Variants in MFAP4 observed in about 807,000 individuals in gnomAD.
The protein encoded by MFAP4 is microfibril-associated glycoprotein 4.
Under a neutral mutation model 32.4 loss-of-function variants are expected in MFAP4, and 20 were observed. The observed-to-expected ratio is 0.62, with a 90% confidence interval of 0.43 to 0.90. The LOEUF is 0.90. MFAP4 is among the 40% of genes least tolerant of loss of function. The pLI, the probability that MFAP4 is intolerant of heterozygous loss-of-function variation, is 0.00. For synonymous variants in MFAP4, 146 were observed against 137.4 expected, an observed-to-expected ratio of 1.06 and a Z score of -0.44; for missense variants, 267 against 329.5, an observed-to-expected ratio of 0.81 and a Z score of 1.47.
intron 3 of MFAP4, 21 bp downstream of exon 3, chr17:19,386,289 C>T (rs940056538): frequency 1.9e-6 from 3 of 1,564,698 alleles, no homozygotes; most frequent in African/African-American, 2.7e-5. Flanking sequence ...GCTCTGGCCT[C>T]TGTTCCCTCC....
chr17:19,383,473 A>ATG lies in MFAP4; in HGVS notation c.*987_*988dup. ...TCAGTATTATATTTTTATTATTATT[A>ATG]TGTTATTATTACACTGTCTTTTTGC... is the stretch of plus-strand genomic sequence containing the variant. On this transcript the variant is annotated 3_prime_UTR_variant, in exon 6 of 6. Coordinates refer to ENST00000299610, the MANE Select transcript of MFAP4 (RefSeq NM_002404.3). 2.8e-6 allele frequency: 1 copy of ATG among 351,980 alleles called. No individual in the cohort carries two copies. The allele number at this position is 351,980 out of a possible 1,614,324, so 21.8% of individuals were successfully genotyped here. A position where few individuals can be genotyped will look rare whatever the true frequency, so the allele number is the denominator to read the frequency against.
In MFAP4 at chr17:19,384,705, G is replaced by A. The variant is rs1487251653; in HGVS notation, c.525C>T (p.Asp175=). ...TCTGGCCACTGTGGTAGGACAGGGAGTCACCTGGCAGAGGAGAGAAGGGTT... is the reference window on the plus strand; with the variant it reads ...TCTGGCCACTGTGGTAGGACAGGGAATCACCTGGCAGAGGAGAGAAGGGTT... The part of the protein sequence containing the change: ...VAGFEDGGAG[D]SLSYHSGQKF... The change falls in exon 6 of 6, where the codon GAC becomes GAT. Residue 175 remains aspartate, a synonymous_variant. Coordinates refer to ENST00000299610, the MANE Select transcript of MFAP4 (RefSeq NM_002404.3). The A allele has an allele frequency of 1.9e-6, 3 of 1,614,108 alleles. No individual in the cohort carries two copies. The South Asian group carries it at 3.3e-5, about 18-fold the overall frequency.
chr17:19,384,467 C>T lies in MFAP4; in HGVS notation c.763G>A (p.Ala255Thr). The change falls in exon 6 of 6, where the codon GCC (alanine) becomes ACC (threonine). Residue 255 changes from alanine to threonine, a missense_variant. By Grantham distance (58) the Ala-to-Thr change is moderately conservative. Around this residue, in one of 3 missense-constraint regions of MFAP4, gnomAD observed 19 missense variants for 18.7 expected, o/e 1.02. Transcript: ENST00000299610. ...LKRTEMKIRR[A>T] is the part of the protein sequence containing the mutation. ...TGCCTGAGGGGGCCAGCCCTTCAGG[C>T]CCGGCGGATTTTCATCTCAGTGCGT... 1 of 1,570,688 alleles carries T rather than the reference C, an allele frequency of 6.4e-7. No homozygotes were observed.
Position 19,384,123 on chromosome 17 carries a change from G to A in MFAP4, c.*339C>T. On this transcript the variant is annotated 3_prime_UTR_variant, in exon 6 of 6. Coordinates refer to ENST00000299610, the MANE Select transcript of MFAP4 (RefSeq NM_002404.3). ...ACAAGATGGACCACAAAGGCCTGCAGCTGGGAGAGTGGCTCCTGGCTGTCA... is the reference window on the plus strand; with the variant it reads ...ACAAGATGGACCACAAAGGCCTGCAACTGGGAGAGTGGCTCCTGGCTGTCA... 1 of 351,680 alleles carries A rather than the reference G, an allele frequency of 2.8e-6. No homozygotes were observed. The highest frequency in any genetic ancestry group is 2.5e-5 in the South Asian group (1 of 39,432). The allele number at this position is 351,680 out of a possible 1,614,324, so 21.8% of individuals were successfully genotyped here.
Position 19,385,134 on chromosome 17 carries a change from G to T in MFAP4, c.485C>A (p.Thr162Asn), listed in dbSNP as rs756249125. The T allele has an allele frequency of 1.2e-6, 2 of 1,614,260 alleles. No individual in the cohort carries two copies. The highest frequency in any genetic ancestry group is 8.5e-7 in the Non-Finnish European group (1 of 1,180,034). The change falls in exon 5 of 6, where the codon ACC (threonine) becomes AAC (asparagine). Residue 162 changes from threonine (T) to asparagine (N), a missense_variant. Thr to Asn is a moderately conservative substitution (Grantham distance 65, BLOSUM62 0). This residue lies in a region of MFAP4 where 223 missense variants were observed against 253.3 expected (regional missense o/e 0.88). Transcript: ENST00000299610. ...ATCCTCAAAGCCTGCCACAAAGAGGGTGTAGCCATCCTCCTCTGCGCTGAC... is the reference window on the plus strand; with the variant it reads ...ATCCTCAAAGCCTGCCACAAAGAGGTTGTAGCCATCCTCCTCTGCGCTGAC... ...NAVSAEEDGY[T>N]LFVAGFEDGG...
chr17:19,385,089 C>G lies in MFAP4; in HGVS notation c.520+10G>C. The G allele has an allele frequency of 6.2e-7, 1 of 1,609,312 alleles. No individual in the cohort carries two copies. Among genetic ancestry groups the G allele is most frequent in the Non-Finnish European group, 8.5e-7 (1 of 1,176,432 alleles). On this transcript the variant is annotated intron_variant, in intron 5 of 5. Coordinates refer to ENST00000299610, the MANE Select transcript of MFAP4 (RefSeq NM_002404.3). ...TCACAGCCCCTCCCAAAGCTAACAG[C>G]GGGTTATACCTGCCCCGCCATCCTC... is the stretch of plus-strand genomic sequence containing the variant.
In MFAP4 at chr17:19,386,996, C is replaced by T. The variant is rs578143853; in HGVS notation, c.6+154G>A. The T allele has an allele frequency of 7.6e-6, 9 of 1,187,616 alleles. No individual in the cohort carries two copies. The South Asian group carries it at 1.2e-4, about 16-fold the overall frequency. 73.6% of individuals were successfully genotyped at this position (1,187,616 alleles called of 1,614,324 possible). On this transcript the variant is annotated intron_variant, in intron 1 of 5. Transcript: ENST00000299610. ...TTCCCTGCCCCCCCACCCCGCCCGC[C>T]AAGTAACCCCACTCTCTGGGACGCT... is the stretch of plus-strand genomic sequence containing the variant.
In MFAP4 at chr17:19,386,892, C is replaced by A. The variant is rs1309374702; in HGVS notation, c.7-54G>T. On this transcript the variant is annotated intron_variant, in intron 1 of 5. Coordinates refer to ENST00000299610, the MANE Select transcript of MFAP4 (RefSeq NM_002404.3). ...GCCCCTTCCCAGCTCCAGAGATCCC[C>A]TGTTCTCTTTGCATTTGCCCCCACC... 2.0e-6 allele frequency: 3 copies of A among 1,518,884 alleles called. No homozygotes were observed. In the Admixed American group the frequency reaches 5.9e-5, roughly 30 times the overall value. The allele number at this position is 1,518,884 out of a possible 1,614,324, so 94.1% of individuals were successfully genotyped here. A position where few individuals can be genotyped will look rare whatever the true frequency, so the allele number is the denominator to read the frequency against.
In MFAP4 at chr17:19,386,635, T is replaced by C. The variant is rs190920198; in HGVS notation, c.85+125A>G. ...TGCTTATGTCATCCATCTGCCCCATTTTGTAAAGGAGGAACCTGAGTCCTG... is the reference window on the plus strand; with the variant it reads ...TGCTTATGTCATCCATCTGCCCCATCTTGTAAAGGAGGAACCTGAGTCCTG... On this transcript the variant is annotated intron_variant, in intron 2 of 5. Coordinates refer to ENST00000299610, the MANE Select transcript of MFAP4 (RefSeq NM_002404.3). 3.2e-5 allele frequency: 41 copies of C among 1,281,738 alleles called. No homozygotes were observed. The East Asian group carries it at 9.6e-4, about 30-fold the overall frequency. The allele number at this position is 1,281,738 out of a possible 1,614,324, so 79.4% of individuals were successfully genotyped here.
chr17:19,385,525 C>T (rs1380922031), intron 3 of MFAP4, 71 bp from the exon 4 acceptor site: 43 of 1,398,884 alleles, frequency 3.1e-5, no homozygotes, highest in Non-Finnish European at 4.2e-5. Context: ...CCCTGCCCAC[C>T]TCAAGCATGG....
chr17:19,386,972 T>TGCCGGGGCCCCCCCCCCCCC, intron 1 of MFAP4, 134 bp from the exon 2 acceptor site: 22 of 936,990 alleles, frequency 2.3e-5, no homozygotes, highest in Non-Finnish European at 3.2e-5. Flanking sequence ...TGGCCCCTCT[T>TGCCGGGGCCCCCCCCCCCCC]CCCTGCCCCC....
chr17:19,386,567 G>A (rs1913044199), intron 2 of MFAP4, 103 bp from the exon 3 acceptor site: 2 of 1,358,186 alleles, frequency 1.5e-6, no homozygotes, highest in East Asian at 2.4e-5. Flanking sequence ...GGGGGACTTT[G>A]ACACAAGGAG....
At chr17:19,385,780 T>G (rs976397424) in intron 3 of MFAP4, among the ~76,000 whole-genome samples, 1 of 152,202 alleles carries the variant, frequency 6.6e-6, no homozygotes, top group African/African-American at 2.4e-5. Flanking sequence ...TCTCTGGGCT[T>G]TAGTTCCTCA....
rs1309629643 is a variant in MFAP4 at position 19,386,299 on chromosome 17, C to T, written c.240+11G>A. On this transcript the variant is annotated intron_variant, in intron 3 of 5. Transcript: ENST00000299610. ...AACCAGCTCTGGCCTCTGTTCCCTC[C>T]TCCCACTCACCGTCCACTTCCCGCC... 4.4e-6 allele frequency: 7 copies of T among 1,583,880 alleles called. No individual in the cohort carries two copies. Among genetic ancestry groups the T allele is most frequent in the African/African-American group, 1.4e-5 (1 of 73,994 alleles).
chr17:19,386,719 C>T (rs1057267699), intron 2 of MFAP4, 41 bp downstream of exon 2: 4 of 1,548,004 alleles, frequency 2.6e-6, no homozygotes, highest in Non-Finnish European at 3.5e-6. Context: ...TCTTGCACAA[C>T]CTGTGGGCCA....
rs763919937 is a variant in MFAP4 at position 19,387,181 on chromosome 17, G to C, written c.-26C>G. 1 of 1,531,406 alleles carries C rather than the reference G, an allele frequency of 6.5e-7. No individual in the cohort carries two copies. The highest frequency in any genetic ancestry group is 1.1e-5 in the South Asian group (1 of 89,392). The allele number at this position is 1,531,406 out of a possible 1,614,324, so 94.9% of individuals were successfully genotyped here. On this transcript the variant is annotated 5_prime_UTR_variant, in exon 1 of 6. Transcript: ENST00000299610. The stretch of plus-strand genomic sequence containing the variant: ...GCTGTCAGTTCTGCTCAGAGTGGCT[G>C]GGTGTCTGCGGCCCCAGACTGCAAC...
Position 19,387,171 on chromosome 17 carries a change from C to T in MFAP4, c.-16G>A, listed in dbSNP as rs953912925. 2 of 1,576,828 alleles carry T rather than the reference C, an allele frequency of 1.3e-6. No homozygotes were observed. Among genetic ancestry groups the T allele is most frequent in the African/African-American group, 1.3e-5 (1 of 74,234 alleles). The stretch of plus-strand genomic sequence containing the variant: ...GTACCTTCATGCTGTCAGTTCTGCT[C>T]AGAGTGGCTGGGTGTCTGCGGCCCC... On this transcript the variant is annotated 5_prime_UTR_variant, in exon 1 of 6. Transcript: ENST00000299610.
Position 19,386,828 on chromosome 17 carries a change from G to C in MFAP4, c.17C>G (p.Ala6Gly), listed in dbSNP as rs535893515. The change falls in exon 2 of 6, where the codon GCC becomes GGC. Residue 6 changes from alanine to glycine, a missense_variant. Ala to Gly is a moderately conservative substitution (Grantham distance 60, BLOSUM62 0). Transcript: ENST00000299610. MKALL[A>G]LPLLLLLSTP... ...GGAGAGAAGCAGCAGCAGCGGCAGG[G>C]CCAGGAGTGCCTGGCGATGGGCAGA... 143 of 1,562,706 alleles carry C rather than the reference G, an allele frequency of 9.2e-5. No homozygotes were observed. The African/African-American group carries it at 1.7e-3, about 19-fold the overall frequency.
chr17:19,386,948 C>T, intron 1 of MFAP4, 110 bp from the exon 2 acceptor site: 1 of 1,422,666 alleles, frequency 7.0e-7, no homozygotes, highest in Non-Finnish European at 9.7e-7. Context: ...TGCCTGAATC[C>T]CTCTCCTGCT....
Sources: allele counts gnomAD v4.1 joint callset (sites outside exome capture counted in the v4.1 genomes callset), GRCh38; gene constraint gnomAD v4.1.1; regional missense constraint gnomAD v4.1.1; transcripts MANE v1.5; gene names NCBI Gene and HGNC (gene_info 2026-07-23, HGNC 2026-07-21).